LRRC4C: variants seen among roughly 807,000 people sequenced by gnomAD.
LRRC4C encodes the protein leucine-rich repeat-containing protein 4C.
LRRC4C carries 5 observed loss-of-function variants against 33.6 expected under a neutral mutation model. The observed-to-expected ratio is 0.15, with a 90% CI of 0.08 to 0.31. The LOEUF (loss-of-function observed/expected upper bound fraction) is 0.31. Ranked by LOEUF, LRRC4C falls within the 10% of genes least tolerant of loss-of-function variation. LRRC4C has a pLI of 1.00. For synonymous variants in LRRC4C, 329 were observed against 302.0 expected, an observed-to-expected ratio of 1.09 and a Z score of -0.93; for missense variants, 560 against 796.7, an observed-to-expected ratio of 0.70 and a Z score of 3.58.
At chr11:40,409,546 AAAAC>A (rs1297809850) in intron 3 of LRRC4C, among the ~76,000 whole-genome samples, 15 of 152,162 alleles carry the variant, frequency 9.9e-5, no homozygotes, top group African/African-American at 2.4e-4. Context: ...CTCAATAGCA[AAAAC>A]AAACAAACAA....
intron 4 of LRRC4C, among the ~76,000 whole-genome samples, chr11:40,268,347 C>G (rs1023916465): frequency 6.6e-6 from 1 of 152,120 alleles, no homozygotes; most frequent in African/African-American, 2.4e-5. Context: ...GACTTCATCA[C>G]AGAACTTCAA....
chr11:40,940,972 C>A (rs1592144184), intron 1 of LRRC4C, among the ~76,000 whole-genome samples: 1 of 145,076 alleles, frequency 6.9e-6, no homozygotes, highest in African/African-American at 2.6e-5. Flanking sequence ...CAAGAATGAT[C>A]ACGTAATACA....
chr11:40,881,038 C>T (rs934057761), intron 2 of LRRC4C, among the ~76,000 whole-genome samples: 16 of 151,922 alleles, frequency 1.1e-4, no homozygotes, highest in Non-Finnish European at 1.8e-4. Context: ...AGTCTGAATT[C>T]ATGAAATTAT....
chr11:40,146,617 A>T (rs970707897), intron 5 of LRRC4C, among the ~76,000 whole-genome samples: 1 of 152,172 alleles, frequency 6.6e-6, no homozygotes, highest in Non-Finnish European at 1.5e-5. Flanking sequence ...AATCACAAAG[A>T]TGGTGTTCCT....
chr11:41,370,387 G>A (rs1290299567), intron 1 of LRRC4C, among the ~76,000 whole-genome samples: 1 of 152,066 alleles, frequency 6.6e-6, no homozygotes, highest in Non-Finnish European at 1.5e-5. Flanking sequence ...ACCTCATCTT[G>A]AATTGTACTC....
intron 3 of LRRC4C, among the ~76,000 whole-genome samples, chr11:40,342,608 C>T (rs940298888): frequency 7.9e-5 from 12 of 152,060 alleles, no homozygotes; most frequent in African/African-American, 2.4e-4. Flanking sequence ...GATTAAAACA[C>T]ATAAAAATTA....
intron 2 of LRRC4C, among the ~76,000 whole-genome samples, chr11:40,886,238 T>C (rs1955446848): frequency 6.6e-6 from 1 of 152,026 alleles, no homozygotes; most frequent in African/African-American, 2.4e-5. Context: ...ATTTCAGTGG[T>C]GTGATTCATG....
chr11:40,370,120 T>C (rs1948387245), intron 3 of LRRC4C, among the ~76,000 whole-genome samples: 1 of 152,184 alleles, frequency 6.6e-6, no homozygotes, highest in East Asian at 1.9e-4. Flanking sequence ...AGTATGGATG[T>C]GGGGATTTTA....
intron 2 of LRRC4C, among the ~76,000 whole-genome samples, chr11:40,655,915 A>C (rs971182732): frequency 3.9e-5 from 6 of 152,172 alleles, no homozygotes; most frequent in Non-Finnish European, 7.3e-5. Flanking sequence ...ACATGGCAGA[A>C]GGAGGAAGAG....
At chr11:40,478,796 C>G (rs953762981) in intron 3 of LRRC4C, among the ~76,000 whole-genome samples, 1 of 152,064 alleles carries the variant, frequency 6.6e-6, no homozygotes, top group Admixed American at 6.6e-5. Context: ...GTTTCTTCTT[C>G]CTCCTCACTG....
At chr11:41,177,749 A>T (rs1221485752) in intron 1 of LRRC4C, among the ~76,000 whole-genome samples, 1 of 152,184 alleles carries the variant, frequency 6.6e-6, no homozygotes, top group Non-Finnish European at 1.5e-5. Context: ...TTATATAGTC[A>T]TTTTTCTCCA....
At chr11:41,440,173 A>T (rs1366008553) in intron 1 of LRRC4C, among the ~76,000 whole-genome samples, 2 of 152,234 alleles carry the variant, frequency 1.3e-5, no homozygotes, top group Admixed American at 6.5e-5. Flanking sequence ...ACTTTAATTC[A>T]TATTGAGATA....
At chr11:40,128,187 G>A (rs1439450108) in intron 6 of LRRC4C, among the ~76,000 whole-genome samples, 1 of 152,138 alleles carries the variant, frequency 6.6e-6, no homozygotes, top group Non-Finnish European at 1.5e-5. Context: ...GACATTGTGA[G>A]GATTACACGA....
chr11:40,976,873 G>T (rs141089597), intron 1 of LRRC4C, among the ~76,000 whole-genome samples: 6 of 152,164 alleles, frequency 3.9e-5, no homozygotes, highest in African/African-American at 1.4e-4. Context: ...CAGGGGGATC[G>T]TTTGGGGATG....
At chr11:40,696,748 GTA>G (rs57752272) in intron 2 of LRRC4C, among the ~76,000 whole-genome samples, 3,405 of 125,824 alleles carry the variant, frequency 0.027, 158 homozygotes, top group African/African-American at 0.093. Flanking sequence ...TATACACTGT[GTA>G]TATATATATA....
intron 3 of LRRC4C, among the ~76,000 whole-genome samples, chr11:40,401,701 G>T (rs939023378): frequency 6.6e-6 from 1 of 152,118 alleles, no homozygotes; most frequent in Non-Finnish European, 1.5e-5. Flanking sequence ...ACAGCCCACT[G>T]CATGTGCACA....
At chr11:41,274,484 T>C (rs1480954573) in intron 1 of LRRC4C, among the ~76,000 whole-genome samples, 1 of 152,040 alleles carries the variant, frequency 6.6e-6, no homozygotes, top group Non-Finnish European at 1.5e-5. Flanking sequence ...TGGAGTGATA[T>C]TGAGAAGTGA....
At chr11:40,862,510 C>T (rs528918886) in intron 2 of LRRC4C, among the ~76,000 whole-genome samples, 2 of 152,314 alleles carry the variant, frequency 1.3e-5, no homozygotes, top group Admixed American at 1.3e-4. Context: ...TAAATAATCT[C>T]TTACTAGTGT....
chr11:40,398,720 G>A (rs946718029), intron 3 of LRRC4C, among the ~76,000 whole-genome samples: 1 of 152,062 alleles, frequency 6.6e-6, no homozygotes, highest in Non-Finnish European at 1.5e-5. Context: ...GATGAAGACA[G>A]TTGAGAAGCA....
Sources: gnomAD v4.1 joint callset for allele counts (sites outside exome capture counted in the v4.1 genomes callset) on GRCh38, gnomAD v4.1.1 for gene constraint, MANE v1.5 for transcripts, NCBI Gene and HGNC (gene_info 2026-07-23, HGNC 2026-07-21) for gene names.